The following SCD variants were observed in gnomAD, a reference collection of about 807,000 sequenced individuals.
SCD encodes acyl-CoA desaturase.
Under a neutral mutation model 35.7 loss-of-function variants are expected in SCD, and 4 were observed. The observed-to-expected ratio is 0.11, with a 90% confidence interval of 0.06 to 0.26. The LOEUF (loss-of-function observed/expected upper bound fraction) is 0.26. Ranked by LOEUF, SCD falls within the 10% of genes least tolerant of loss-of-function variation. SCD has a pLI of 1.00. For missense variants in SCD, 282 were observed against 460.7 expected (o/e 0.61, Z 3.55); for synonymous variants, 150 against 170.2 (o/e 0.88, Z 0.92).
rs1849878225 is a variant in SCD, at chr10:100,352,105, A to G, written c.311-261A>G. On this transcript the variant is annotated intron_variant, in intron 2 of 5. Coordinates refer to ENST00000370355, the MANE Select transcript of SCD (RefSeq NM_005063.5). This position sits in a 1 kb window ranked among gnomAD's most constrained non-coding sequence, Gnocchi z 4.2. Reference sequence around the variant, plus strand: ...ATGAAGAATGAGTGGTAAGAGCACTATTCTCTCTCCTGCCTTTCTGACTCC... The same window carrying G: ...ATGAAGAATGAGTGGTAAGAGCACTGTTCTCTCTCCTGCCTTTCTGACTCC... Among the ~76,000 whole-genome samples the G allele has an allele frequency of 6.6e-6, 1 of 152,046 alleles. No individual in the cohort carries two copies. Among genetic ancestry groups the G allele is most frequent in the African/African-American group, 2.4e-5 (1 of 41,400 alleles).
chr10:100,349,032 C>T (rs909276437), intron 2 of SCD, among the ~76,000 whole-genome samples: 7 of 152,180 alleles, frequency 4.6e-5, no homozygotes, highest in Admixed American at 3.3e-4. Context: ...AGATATGTTT[C>T]ATGTTCCATC....
rs754922181 is a variant in SCD at position 100,352,530 on chromosome 10, C to A, written c.441+34C>A. 13 of 1,605,166 alleles carry A rather than the reference C, an allele frequency of 8.1e-6. No individual in the cohort carries two copies. Among genetic ancestry groups the A allele is most frequent in the Non-Finnish European group, 1.0e-5 (12 of 1,175,386 alleles). On this transcript the variant is annotated intron_variant, in intron 3 of 5. Transcript: ENST00000370355. This position sits in a 1 kb window ranked among gnomAD's most constrained non-coding sequence, Gnocchi z 4.2. ...TTGTCTCTGCTCAGCTGTTTGTCCTCCACACTATTAATGATCCGGGGACAG... is the reference window on the plus strand; with the variant it reads ...TTGTCTCTGCTCAGCTGTTTGTCCTACACACTATTAATGATCCGGGGACAG...
intron 5 of SCD, among the ~76,000 whole-genome samples, chr10:100,358,373 T>C (rs1849951309): frequency 6.6e-6 from 1 of 150,578 alleles, no homozygotes; most frequent in South Asian, 2.1e-4. Flanking sequence ...GGGTGGATCA[T>C]GAGGTCAGGA....
In SCD at chr10:100,360,886, T is replaced by C; in HGVS notation, c.1033T>C (p.Leu345=). 6.2e-7 allele frequency: 1 copy of C among 1,614,000 alleles called. No homozygotes were observed. Among genetic ancestry groups the C allele is most frequent in the Non-Finnish European group, 8.5e-7 (1 of 1,179,874 alleles). Residue 345 remains leucine (L), a synonymous_variant, in exon 6 of 6, where the codon TTG becomes CTG. Coordinates refer to ENST00000370355, the MANE Select transcript of SCD (RefSeq NM_005063.5). Reference sequence around the variant, plus strand: ...GAAGAAAGTCTCCAAGGCCGCCATCTTGGCCAGGATTAAAAGAACCGGAGA... The same window carrying C: ...GAAGAAAGTCTCCAAGGCCGCCATCCTGGCCAGGATTAAAAGAACCGGAGA... ...DRKKVSKAAI[L]ARIKRTGDGN... is the part of the protein sequence containing the mutation.
In SCD at chr10:100,355,181, G is replaced by A. The variant is rs1015997665; in HGVS notation, c.647+549G>A. On this transcript the variant is annotated intron_variant, in intron 4 of 5. Coordinates refer to ENST00000370355, the MANE Select transcript of SCD (RefSeq NM_005063.5). ...ACCTTCAAAAAGTTTGTAGCCTATC[G>A]GGGTGGAGAGATAAGCCAAGTATCC... Among the ~76,000 whole-genome samples, 8 of 152,280 alleles carry A rather than the reference G, an allele frequency of 5.3e-5. No homozygotes were observed. The South Asian group carries it at 1.0e-3, about 20-fold the overall frequency.
At chr10:100,359,644 C>T (rs1219712262) in intron 5 of SCD, among the ~76,000 whole-genome samples, 2 of 152,122 alleles carry the variant, frequency 1.3e-5, no homozygotes, top group East Asian at 3.9e-4. Context: ...CCTTGAAATG[C>T]CCTAGATGAT....
Position 100,360,831 on chromosome 10 carries a change from C to T in SCD, c.978C>T (p.Cys326=). The change falls in exon 6 of 6, where the codon TGC becomes TGT. Residue 326 remains cysteine, a synonymous_variant. Transcript: ENST00000370355. The part of the protein sequence containing the change: ...HINFTTFFID[C]MAALGLAYDR... Reference sequence around the variant, plus strand: ...ACTTCACCACATTCTTCATTGATTGCATGGCCGCCCTCGGTCTGGCCTATG... The same window carrying T: ...ACTTCACCACATTCTTCATTGATTGTATGGCCGCCCTCGGTCTGGCCTATG... The T allele has an allele frequency of 1.2e-6, 2 of 1,614,026 alleles. No homozygotes were observed. The highest frequency in any genetic ancestry group is 1.7e-6 in the Non-Finnish European group (2 of 1,179,872).
At chr10:100,350,825 G>A (rs1242731989) in intron 2 of SCD, among the ~76,000 whole-genome samples, 2 of 152,150 alleles carry the variant, frequency 1.3e-5, no homozygotes, top group African/African-American at 4.8e-5. Context: ...TACTGTATCT[G>A]GGGAGATGTC....
chr10:100,348,057 C>T lies in SCD; in HGVS notation c.28-7C>T, dbSNP rs763214306. On this transcript the variant is annotated splice_polypyrimidine_tract_variant and splice_region_variant and intron_variant, in intron 1 of 5. Coordinates refer to ENST00000370355, the MANE Select transcript of SCD (RefSeq NM_005063.5). ...TCTCCTGACTCTCCTCTTCCTCCCC[C>T]TTCCAGATCTCTAGCTCCTATACCA... The T allele has an allele frequency of 1.2e-6, 2 of 1,612,364 alleles. No individual in the cohort carries two copies. The highest frequency in any genetic ancestry group is 2.2e-5 in the South Asian group (2 of 91,022).
chr10:100,347,828 G>A (rs1027599489), intron 1 of SCD, among the ~76,000 whole-genome samples: 3 of 151,996 alleles, frequency 2.0e-5, no homozygotes, highest in African/African-American at 7.3e-5. Flanking sequence ...TCCTACTGCC[G>A]CCTCCCGATA....
At chr10:100,350,202 T>A (rs1339095024) in intron 2 of SCD, among the ~76,000 whole-genome samples, 1 of 151,996 alleles carries the variant, frequency 6.6e-6, no homozygotes, top group Non-Finnish European at 1.5e-5. Context: ...AGAATGACCA[T>A]GTCGATGTGG....
chr10:100,363,864 C>A lies in SCD; in HGVS notation c.*2931C>A, dbSNP rs1400083344. 2 of 152,640 alleles carry A rather than the reference C, an allele frequency of 1.3e-5. No homozygotes were observed. The highest frequency in any genetic ancestry group is 1.3e-4 in the Admixed American group (2 of 15,280). The allele number at this position is 152,640 out of a possible 1,614,324, so 9.5% of individuals were successfully genotyped here. A position where few individuals can be genotyped will look rare whatever the true frequency, so the allele number is the denominator to read the frequency against. ...TGGGGGGTGTGCTGACAACTTAGCT[C>A]AGGTGCCTTACATCTTTTCTAATCA... On this transcript the variant is annotated 3_prime_UTR_variant, in exon 6 of 6. Transcript: ENST00000370355.
rs1849930152 is a variant in SCD, at chr10:100,356,542, C to T, written c.658C>T (p.Pro220Ser). The T allele has an allele frequency of 5.0e-6, 8 of 1,613,950 alleles. No individual in the cohort carries two copies. Among genetic ancestry groups the T allele is most frequent in the Non-Finnish European group, 6.8e-6 (8 of 1,179,842 alleles). ...GGTCTGTCAATGTAGGTACTACAAACCTGGCTTGCTGATGATGTGCTTCAT... is the reference window on the plus strand; with the variant it reads ...GGTCTGTCAATGTAGGTACTACAAATCTGGCTTGCTGATGATGTGCTTCAT... ...LVMFQRRYYKPGLLMMCFILP... is the reference protein window; with the variant it reads ...LVMFQRRYYKSGLLMMCFILP... The change falls in exon 5 of 6, where the codon CCT becomes TCT. Residue 220 changes from proline (P) to serine (S), a missense_variant. Physicochemically the swap from Pro to Ser is moderately conservative, Grantham distance 74. Coordinates refer to ENST00000370355, the MANE Select transcript of SCD (RefSeq NM_005063.5). The surrounding 1 kb of genome is among the most constrained non-coding windows in gnomAD (Gnocchi z 4.1).
Position 100,356,463 on chromosome 10 carries a change from T to G in SCD, c.648-69T>G. The stretch of plus-strand genomic sequence containing the variant: ...AGAAAGACAGCCCATCCCCTCCCAA[T>G]TAGTGTGGAAGATCCATGTAGGTGT... On this transcript the variant is annotated intron_variant, in intron 4 of 5. Coordinates refer to ENST00000370355, the MANE Select transcript of SCD (RefSeq NM_005063.5). This position sits in a 1 kb window ranked among gnomAD's most constrained non-coding sequence, Gnocchi z 4.1. 3.7e-6 allele frequency: 4 copies of G among 1,078,954 alleles called. No homozygotes were observed. The highest frequency in any genetic ancestry group is 5.7e-6 in the Non-Finnish European group (4 of 697,738). The allele number at this position is 1,078,954 out of a possible 1,614,324, so 66.8% of individuals were successfully genotyped here.
rs201077176 is a variant in SCD at position 100,360,816 on chromosome 10, A to T, written c.963A>T (p.Thr321=). 2 of 1,613,874 alleles carry T rather than the reference A, an allele frequency of 1.2e-6. No homozygotes were observed. Among genetic ancestry groups the T allele is most frequent in the Admixed American group, 3.3e-5 (2 of 60,004 alleles). ...SEYRWHINFT[T]FFIDCMAALG... is the part of the protein sequence containing the mutation. The stretch of plus-strand genomic sequence containing the variant: ...ACCGCTGGCACATCAACTTCACCAC[A>T]TTCTTCATTGATTGCATGGCCGCCC... The change falls in exon 6 of 6, where the codon ACA becomes ACT. Residue 321 remains threonine (T), a synonymous_variant. Transcript: ENST00000370355.
intron 5 of SCD, among the ~76,000 whole-genome samples, chr10:100,359,004 A>G (rs1849961648): frequency 6.6e-6 from 1 of 152,120 alleles, no homozygotes; most frequent in Non-Finnish European, 1.5e-5. Flanking sequence ...CCTTCTTACC[A>G]TTGTGCCTAT....
intron 5 of SCD, among the ~76,000 whole-genome samples, chr10:100,359,239 T>C (rs1292134070): frequency 1.3e-5 from 2 of 152,146 alleles, no homozygotes; most frequent in African/African-American, 2.4e-5. Context: ...TCCTCCCTTA[T>C]CACCTCACCC....
At chr10:100,348,606 G>A (rs1311571117) in intron 2 of SCD, among the ~76,000 whole-genome samples, 2 of 151,974 alleles carry the variant, frequency 1.3e-5, no homozygotes, top group African/African-American at 4.8e-5. Context: ...TGGAGAGTCA[G>A]CTTTCCCTGA....
Position 100,354,417 on chromosome 10 carries a change from C to T in SCD, c.442-10C>T. 1 of 1,611,654 alleles carries T rather than the reference C, an allele frequency of 6.2e-7. No homozygotes were observed. Among genetic ancestry groups the T allele is most frequent in the Non-Finnish European group, 8.5e-7 (1 of 1,177,754 alleles). On this transcript the variant is annotated splice_polypyrimidine_tract_variant and intron_variant, in intron 3 of 5. Transcript: ENST00000370355. ...CTCAAGCCTTACATTCCTCTTCTCT[C>T]TCTCCCCAGAATGATGTCTATGAAT...
Sources: gnomAD v4.1 joint callset for allele counts (sites outside exome capture counted in the v4.1 genomes callset) on GRCh38, gnomAD v4.1.1 for gene constraint, Gnocchi (gnomAD v3.1) non-coding constraint, MANE v1.5 for transcripts, NCBI Gene and HGNC (gene_info 2026-07-23, HGNC 2026-07-21) for gene names.